Variants in BTBD3 observed in about 807,000 individuals in gnomAD.
BTBD3 encodes the protein BTB domain containing 3.
In BTBD3, 14 loss-of-function variants were observed where a neutral mutation model predicts 41.6. That is an observed-to-expected ratio of 0.34 (90% CI 0.22 to 0.53). BTBD3 has a LOEUF of 0.53. BTBD3 is among the 20% of genes least tolerant of loss of function. BTBD3 has a pLI of 0.95. For synonymous variants in BTBD3, 249 were observed against 233.7 expected, an observed-to-expected ratio of 1.07 and a Z score of -0.60; for missense variants, 426 against 654.7, an observed-to-expected ratio of 0.65 and a Z score of 3.81.
At chr20:11,922,318 G>C (rs891890567) in intron 3 of BTBD3, among the ~76,000 whole-genome samples, 2 of 152,056 alleles carry the variant, frequency 1.3e-5, no homozygotes, top group Non-Finnish European at 2.9e-5. Context: ...TTGTAATGTT[G>C]ACTATTCAAT....
chr20:11,902,174 G>A (rs746774544), intron 1 of BTBD3, among the ~76,000 whole-genome samples: 5 of 152,034 alleles, frequency 3.3e-5, no homozygotes, highest in Non-Finnish European at 7.4e-5. Context: ...CGCATATTTT[G>A]TGTGTCGTAT....
Position 11,923,355 on chromosome 20 carries a change from G to T in BTBD3, c.1258G>T (p.Ala420Ser). The T allele has an allele frequency of 6.2e-7, 1 of 1,614,218 alleles. No homozygotes were observed. Among genetic ancestry groups the T allele is most frequent in the Non-Finnish European group, 8.5e-7 (1 of 1,180,038 alleles). Residue 420 changes from alanine (A) to serine (S), a missense_variant, in exon 4 of 4, where the codon GCA becomes TCA. Ala to Ser is a moderately conservative substitution (Grantham distance 99). Around this residue, in one of 3 missense-constraint regions of BTBD3, gnomAD observed 321 missense variants for 534.8 expected, o/e 0.60. Coordinates refer to ENST00000378226, the MANE Select transcript of BTBD3 (RefSeq NM_014962.4). The surrounding 1 kb of genome is among the most constrained non-coding windows in gnomAD (Gnocchi z 5.3). ...FGLYGSSCGS[A>S]EYSAKIELKR... ...GCTGTATGGCTCCAGCTGTGGTTCT[G>T]CAGAATACAGTGCCAAGATTGAACT...
At chr20:11,911,678 A>C (rs2122251378) in intron 1 of BTBD3, among the ~76,000 whole-genome samples, 1 of 152,348 alleles carries the variant, frequency 6.6e-6, no homozygotes, top group Admixed American at 6.5e-5. Flanking sequence ...GGTTGGACAA[A>C]CTTGATCTAG....
intron 1 of BTBD3, among the ~76,000 whole-genome samples, chr20:11,911,301 G>A (rs73088025): frequency 1.5e-3 from 233 of 152,130 alleles, no homozygotes; most frequent in Non-Finnish European, 2.8e-3. Flanking sequence ...GTTTTAGTTG[G>A]GTATTGGTCA....
intron 1 of BTBD3, among the ~76,000 whole-genome samples, chr20:11,904,531 T>G (rs1250731696): frequency 2.0e-5 from 3 of 152,200 alleles, no homozygotes; most frequent in African/African-American, 7.2e-5. Flanking sequence ...AAACTTCTTA[T>G]GAAGCTGGGC....
Position 11,926,191 on chromosome 20 carries a change from A to G in BTBD3, c.*2525A>G, listed in dbSNP as rs922528181. 2.0e-5 allele frequency: 3 copies of G among 152,650 alleles called. No homozygotes were observed. The highest frequency in any genetic ancestry group is 4.4e-5 in the Non-Finnish European group (3 of 68,044). 9.5% of individuals were successfully genotyped at this position (152,650 alleles called of 1,614,324 possible). On this transcript the variant is annotated 3_prime_UTR_variant, in exon 4 of 4. Transcript: ENST00000378226. ...AACACAACTTTATTAAGCAGAATAC[A>G]CTGTAGATGCTTTTCCCCAACGTAT...
chr20:11,911,348 A>G lies in BTBD3; in HGVS notation c.-125-6986A>G, dbSNP rs184088655. Among the ~76,000 whole-genome samples, 4 of 152,336 alleles carry G rather than the reference A, an allele frequency of 2.6e-5. No homozygotes were observed. The East Asian group carries it at 7.7e-4, about 29-fold the overall frequency. On this transcript the variant is annotated intron_variant, in intron 1 of 4. Transcript: ENST00000254977. ...AAATGTAAAGAAAATTATATTAAGTAAATAACTATTTCTGGCAAATATTAT... is the reference window on the plus strand; with the variant it reads ...AAATGTAAAGAAAATTATATTAAGTGAATAACTATTTCTGGCAAATATTAT...
intron 1 of BTBD3, 194 bp from the exon 2 acceptor site, chr20:11,918,892 A>G (rs1284389808): frequency 1.7e-6 from 1 of 576,110 alleles, no homozygotes; most frequent in African/African-American, 1.9e-5. Flanking sequence ...TATAACTTTT[A>G]TTTTAAACTT....
At position 11,911,011 on chromosome 20, in the gene BTBD3, A is replaced by G. The variant is rs1460377377; in HGVS notation, c.-125-7323A>G. ...TTCTGAGCCATCATCTTGCCTGGTT[A>G]AGGAAATAATTAAGCAACCTAAAAA... On this transcript the variant is annotated intron_variant, in intron 1 of 4. Coordinates refer to the BTBD3 transcript ENST00000254977. Among the ~76,000 whole-genome samples the G allele has an allele frequency of 2.6e-5, 4 of 152,246 alleles. No individual in the cohort carries two copies. In the East Asian group the frequency reaches 7.7e-4, roughly 29 times the overall value.
At chr20:11,916,684 G>A (rs1471821404), upstream of BTBD3, among the ~76,000 whole-genome samples, 1 of 152,166 alleles carries the variant, frequency 6.6e-6, no homozygotes, top group African/African-American at 2.4e-5. Flanking sequence ...CTTATTTGCT[G>A]AGCCCTCACT....
At chr20:11,891,061 G>A in intron 1 of BTBD3, 1 of 787,740 alleles carries the variant, frequency 1.3e-6, no homozygotes, top group Non-Finnish European at 1.5e-6. Flanking sequence ...GGGGCCGAGC[G>A]AAGCGAGGAG....
In BTBD3 at chr20:11,925,640, T is replaced by C. The variant is rs1035311964; in HGVS notation, c.*1974T>C. On this transcript the variant is annotated 3_prime_UTR_variant, in exon 4 of 4. Transcript: ENST00000378226. ...AAAAAGCACACTTCTACAAAAGATT[T>C]GGTTTTTAAATTATGGTTACACATT... The C allele has an allele frequency of 6.6e-6, 1 of 152,658 alleles. No individual in the cohort carries two copies. The highest frequency in any genetic ancestry group is 2.4e-5 in the African/African-American group (1 of 41,470). The allele number at this position is 152,658 out of a possible 1,614,324, so 9.5% of individuals were successfully genotyped here. A position where few individuals can be genotyped will look rare whatever the true frequency, so the allele number is the denominator to read the frequency against.
At chr20:11,893,117 C>T (rs538308361) in intron 1 of BTBD3, among the ~76,000 whole-genome samples, 39 of 151,596 alleles carry the variant, frequency 2.6e-4, no homozygotes, top group African/African-American at 8.0e-4. Flanking sequence ...TCCATTTTGC[C>T]TTGCAAGGAA....
chr20:11,897,888 G>A (rs759495505), intron 1 of BTBD3, among the ~76,000 whole-genome samples: 54 of 152,300 alleles, frequency 3.5e-4, no homozygotes, highest in Non-Finnish European at 7.6e-4. Flanking sequence ...GCCGGGCATG[G>A]TGGTTCACGC....
rs1312151131 is a variant in BTBD3, at chr20:11,924,445, C to T, written c.*779C>T. On this transcript the variant is annotated 3_prime_UTR_variant, in exon 4 of 4. Coordinates refer to ENST00000378226, the MANE Select transcript of BTBD3 (RefSeq NM_014962.4). ...AAACTCCTACTAATTTAAACTAAGACAGTTTAAAAAGGAAGCCTGAAAAAG... is the reference window on the plus strand; with the variant it reads ...AAACTCCTACTAATTTAAACTAAGATAGTTTAAAAAGGAAGCCTGAAAAAG... The T allele has an allele frequency of 6.6e-6, 1 of 152,310 alleles. No homozygotes were observed. The highest frequency in any genetic ancestry group is 1.5e-5 in the Non-Finnish European group (1 of 68,004). 9.4% of individuals were successfully genotyped at this position (152,310 alleles called of 1,614,324 possible). A position where few individuals can be genotyped will look rare whatever the true frequency, so the allele number is the denominator to read the frequency against.
intron 1 of BTBD3, among the ~76,000 whole-genome samples, chr20:11,893,141 T>C (rs1206277732): frequency 6.6e-6 from 1 of 152,174 alleles, no homozygotes; most frequent in Non-Finnish European, 1.5e-5. Context: ...TTAAAACTCT[T>C]CTGAACAAAA....
At chr20:11,903,467 A>T (rs1212977082) in intron 1 of BTBD3, among the ~76,000 whole-genome samples, 1 of 151,988 alleles carries the variant, frequency 6.6e-6, no homozygotes, top group African/African-American at 2.4e-5. Context: ...CTCATTTACA[A>T]TTTTTTTCTT....
upstream of BTBD3, among the ~76,000 whole-genome samples, chr20:11,913,846 T>C (rs1043954231): frequency 6.6e-6 from 1 of 152,170 alleles, no homozygotes; most frequent in Admixed American, 6.5e-5. Context: ...CTGTGGATAA[T>C]TTTGTTATTA....
At chr20:11,919,477 TATTG>T in intron 2 of BTBD3, 4 of 1,348,120 alleles carry the variant, frequency 3.0e-6, no homozygotes, top group Non-Finnish European at 3.9e-6. Context: ...TGTAAGCTAT[TATTG>T]TATGTATTTA....
Sources: allele counts gnomAD v4.1 joint callset (sites outside exome capture counted in the v4.1 genomes callset), GRCh38; gene constraint gnomAD v4.1.1; regional missense constraint gnomAD v4.1.1; non-coding constraint Gnocchi (gnomAD v3.1); transcripts MANE v1.5; gene names NCBI Gene and HGNC (gene_info 2026-07-23, HGNC 2026-07-21).